Variants in CTBP1 observed in about 807,000 individuals in gnomAD.
CTBP1 encodes C-terminal binding protein 1, also known as C-terminal-binding protein 1.
CTBP1 carries 11 observed loss-of-function variants against 42.1 expected under a neutral mutation model. The observed-to-expected ratio is 0.26, with a 90% confidence interval of 0.16 to 0.43. The LOEUF (loss-of-function observed/expected upper bound fraction) is 0.43. CTBP1 is among the 20% of genes least tolerant of loss of function. The probability of loss-of-function intolerance (pLI) is 1.00; values close to 1 mark genes in which losing one functional copy is unlikely to be tolerated. For missense variants in CTBP1, 399 were observed against 624.3 expected, an observed-to-expected ratio of 0.64 and a Z score of 3.85; for synonymous variants, 324 against 277.1, an observed-to-expected ratio of 1.17 and a Z score of -1.68.
At chr4:1,214,833 C>A (rs1407146324) in intron 6 of CTBP1, among the ~76,000 whole-genome samples, 1 of 152,248 alleles carries the variant, frequency 6.6e-6, no homozygotes, top group Non-Finnish European at 1.5e-5. Flanking sequence ...AGGGCCTCAG[C>A]CCACGAGGTG....
intron 1 of CTBP1, chr4:1,242,930 C>T (rs577454568): frequency 1.5e-4 from 147 of 985,244 alleles, no homozygotes; most frequent in East Asian, 7.9e-4. Flanking sequence ...TACTCATCAA[C>T]GCCAGCCGAT....
rs776285157 is a variant in CTBP1 at position 1,213,577 on chromosome 4, G to A, written c.889C>T (p.Pro297Ser). 1.9e-6 allele frequency: 3 copies of A among 1,613,166 alleles called. No homozygotes were observed. Among genetic ancestry groups the A allele is most frequent in the African/African-American group, 2.7e-5 (2 of 74,922 alleles). The change falls in exon 8 of 10, where the codon CCC becomes TCC. Residue 297 changes from proline to serine, a missense_variant. This residue lies in a region of CTBP1 where 309 missense variants were observed against 497.5 expected (regional missense o/e 0.62). Coordinates refer to ENST00000382952, the MANE Select transcript of CTBP1 (RefSeq NM_001012614.2). ...SFSQGPLKDA[P>S]NLICTPHAAW... ...GCATGGGGGGTGCAGATGAGGTTGG[G>A]TGCATCCTTCAGAGGGCCCTGGCTA... is the stretch of plus-strand genomic sequence containing the variant.
intron 3 of CTBP1, among the ~76,000 whole-genome samples, chr4:1,232,050 A>G (rs1413115669): frequency 2.0e-5 from 3 of 152,358 alleles, no homozygotes; most frequent in Admixed American, 1.3e-4. Context: ...CTTTGAATAT[A>G]TAAACTTTTT....
intron 5 of CTBP1, chr4:1,221,867 G>T (rs895311796): frequency 2.9e-5 from 12 of 415,386 alleles, no homozygotes; most frequent in Admixed American, 5.5e-5. Flanking sequence ...TCAGAAGGAA[G>T]GAAGGAAGGG....
intron 1 of CTBP1, chr4:1,243,665 C>T (rs1212459726): frequency 2.0e-6 from 2 of 985,344 alleles, no homozygotes; most frequent in East Asian, 2.3e-4. Context: ...GCCAGAGGCC[C>T]TGCGCACCTC....
rs759136268 is a variant in CTBP1 at position 1,212,969 on chromosome 4, G to C, written c.1050C>G (p.His350Gln). ...VNKDHLTAATHWASMDPAVVH... is the reference protein window; with the variant it reads ...VNKDHLTAATQWASMDPAVVH... ...CGACGGCGGGGTCCATGCTGGCCCA[G>C]TGGGTGGCGGCTGTCAGATGGTCCT... The change falls in exon 9 of 10, where the codon CAC becomes CAG. Residue 350 changes from histidine (H) to glutamine (Q), a missense_variant. Transcript: ENST00000382952. The C allele has an allele frequency of 1.2e-6, 2 of 1,613,928 alleles. No individual in the cohort carries two copies. Among genetic ancestry groups the C allele is most frequent in the South Asian group, 1.1e-5 (1 of 91,092 alleles).
At chr4:1,244,354 T>TGGC in intron 1 of CTBP1, 3 of 960,522 alleles carry the variant, frequency 3.1e-6, no homozygotes, top group Non-Finnish European at 3.7e-6. Context: ...CTCTGGGCAC[T>TGGC]GGGGGGGGGG....
intron 1 of CTBP1, among the ~76,000 whole-genome samples, chr4:1,247,225 G>C (rs910980698): frequency 3.9e-5 from 6 of 152,228 alleles, no homozygotes; most frequent in Non-Finnish European, 8.8e-5. Context: ...TGCATGTTGG[G>C]GACATGGCAG....
intron 3 of CTBP1, chr4:1,237,938 G>A (rs1402366550): frequency 1.4e-6 from 1 of 703,894 alleles, no homozygotes; most frequent in Admixed American, 2.0e-5. Context: ...ACCTCCTGAT[G>A]GGGCACAGGG....
At chr4:1,225,262 G>GC in intron 5 of CTBP1, 98 bp downstream of exon 5, 1 of 1,386,078 alleles carries the variant, frequency 7.2e-7, no homozygotes, top group Non-Finnish European at 9.7e-7. Flanking sequence ...ACCTGCAGCA[G>GC]CCCCACCCCG....
rs542187485 is a variant in CTBP1 at position 1,233,389 on chromosome 4, T to A, written c.162+4794A>T. Among the ~76,000 whole-genome samples, 1 of 152,256 alleles carries A rather than the reference T, an allele frequency of 6.6e-6. No individual in the cohort carries two copies. The highest frequency in any genetic ancestry group is 2.1e-4 in the South Asian group (1 of 4,818). The stretch of plus-strand genomic sequence containing the variant: ...TGGTGGCCTCCCCACCCCCAAGGCG[T>A]GGAGATGCTTGTCTTGCAGGAGTGC... On this transcript the variant is annotated intron_variant, in intron 3 of 9. Transcript: ENST00000382952. This position sits in a 1 kb window ranked among gnomAD's most constrained non-coding sequence, Gnocchi z 4.6.
Position 1,228,340 on chromosome 4 carries a change from G to A in CTBP1, c.166C>T (p.Leu56=). The A allele has an allele frequency of 6.2e-7, 1 of 1,612,946 alleles. No homozygotes were observed. Among genetic ancestry groups the A allele is most frequent in the South Asian group, 1.1e-5 (1 of 91,036 alleles). ...QSTQEIHEKV[L]NEAVGALMYH... ...ATCAGGGCCCCCACAGCCTCGTTCAGGACCTGCAGCGAGAAAGCACACAGG... is the reference window on the plus strand; with the variant it reads ...ATCAGGGCCCCCACAGCCTCGTTCAAGACCTGCAGCGAGAAAGCACACAGG... Residue 56 remains leucine (L), a synonymous_variant, in exon 4 of 10, where the codon CTG becomes TTG. Transcript: ENST00000382952.
In CTBP1 at chr4:1,233,807, G is replaced by A. The variant is rs1298014293; in HGVS notation, c.162+4376C>T. On this transcript the variant is annotated intron_variant, in intron 3 of 9. Coordinates refer to ENST00000382952, the MANE Select transcript of CTBP1 (RefSeq NM_001012614.2). This position sits in a 1 kb window ranked among gnomAD's most constrained non-coding sequence, Gnocchi z 4.6. ...CTCAGACGGCGGCGACCTCCAACCA[G>A]CTATGCGGGAAGTTTCTGCCCCAGG... is the stretch of plus-strand genomic sequence containing the variant. 6.6e-6 allele frequency among the ~76,000 whole-genome samples: 1 copy of A among 152,216 alleles called. No individual in the cohort carries two copies. The highest frequency in any genetic ancestry group is 1.5e-5 in the Non-Finnish European group (1 of 68,044).
chr4:1,213,429 G>A, intron 8 of CTBP1, 49 bp downstream of exon 8: 1 of 1,599,840 alleles, frequency 6.3e-7, no homozygotes, highest in Non-Finnish European at 8.5e-7. Flanking sequence ...AGCATCTGGG[G>A]CTGGCAGGAA....
At position 1,211,980 on chromosome 4, in the gene CTBP1, C is replaced by T. The variant is rs905770395; in HGVS notation, c.*260G>A. 2.6e-5 allele frequency: 9 copies of T among 341,602 alleles called. No homozygotes were observed. Among genetic ancestry groups the T allele is most frequent in the African/African-American group, 1.1e-4 (5 of 47,252 alleles). 21.2% of individuals were successfully genotyped at this position (341,602 alleles called of 1,614,324 possible). On this transcript the variant is annotated 3_prime_UTR_variant, in exon 10 of 10. Transcript: ENST00000382952. ...CCTTTGTAATGTTCTAAAAACTGTA[C>T]ACAGACAAGAACGTTCATGGGAGAA...
chr4:1,225,681 C>CTTGGGGACACGGCCTTTG, intron 4 of CTBP1, 115 bp from the exon 5 acceptor site: 2 of 1,189,160 alleles, frequency 1.7e-6, no homozygotes, highest in Non-Finnish European at 2.3e-6. Context: ...AGCCAAAGGC[C>CTTGGGGACACGGCCTTTG]GTGTCCCCAA....
intron 2 of CTBP1, among the ~76,000 whole-genome samples, chr4:1,239,031 A>G (rs994549646): frequency 1.3e-5 from 2 of 152,188 alleles, no homozygotes; most frequent in African/African-American, 4.8e-5. Context: ...ATTACTTCCA[A>G]TTATAGATGT....
At chr4:1,223,607 G>A (rs970981451) in intron 5 of CTBP1, 7 of 410,002 alleles carry the variant, frequency 1.7e-5, no homozygotes, top group East Asian at 7.2e-5. Flanking sequence ...AGGAACCCGC[G>A]ATCTGGGGAG....
chr4:1,246,746 C>T (rs564507833), intron 1 of CTBP1, among the ~76,000 whole-genome samples: 3 of 152,338 alleles, frequency 2.0e-5, no homozygotes, highest in South Asian at 4.1e-4. Context: ...TGTGGCTTGA[C>T]GGCCACCTCT....
Sources: gnomAD v4.1 joint callset for allele counts (sites outside exome capture counted in the v4.1 genomes callset) on GRCh38, gnomAD v4.1.1 for gene constraint, gnomAD v4.1.1 regional missense constraint, Gnocchi (gnomAD v3.1) non-coding constraint, MANE v1.5 for transcripts, NCBI Gene and HGNC (gene_info 2026-07-23, HGNC 2026-07-21) for gene names.